ESRRG: variants seen among roughly 807,000 people sequenced by gnomAD.
The protein encoded by ESRRG is estrogen related receptor gamma.
A neutral mutation model predicts 44.0 loss-of-function variants in ESRRG; 13 were observed. The observed-to-expected ratio is 0.30, with a 90% CI of 0.19 to 0.47. The LOEUF (loss-of-function observed/expected upper bound fraction) is 0.47, where lower values mean the gene tolerates loss of function less well. Among genes scored for constraint, ESRRG ranks in the 20% least tolerant of loss-of-function variants. The probability of loss-of-function intolerance (pLI) is 1.00; values close to 1 mark genes in which losing one functional copy is unlikely to be tolerated. For missense variants in ESRRG, 395 were observed against 580.6 expected (o/e 0.68, Z 3.29); for synonymous variants, 215 against 214.6 (o/e 1.00, Z -0.02).
At chr1:216,667,435 C>T (rs1322619650) in intron 2 of ESRRG, among the ~76,000 whole-genome samples, 1 of 151,946 alleles carries the variant, frequency 6.6e-6, no homozygotes, top group Non-Finnish European at 1.5e-5. Context: ...CCTGTAATCC[C>T]AGCACATCGG....
At chr1:216,532,128 G>A (rs1282407413) in intron 5 of ESRRG, among the ~76,000 whole-genome samples, 3 of 147,792 alleles carry the variant, frequency 2.0e-5, no homozygotes, top group Non-Finnish European at 1.5e-5. Context: ...AGAAGAAATG[G>A]AGGAAAAAAA....
At chr1:216,943,739 C>G (rs2065637097) in intron 1 of ESRRG, among the ~76,000 whole-genome samples, 1 of 152,106 alleles carries the variant, frequency 6.6e-6, no homozygotes, top group Non-Finnish European at 1.5e-5. Flanking sequence ...GAAGATAACC[C>G]TAGCGTACAG....
intron 2 of ESRRG, among the ~76,000 whole-genome samples, chr1:216,860,128 G>T (rs1245829251): frequency 1.3e-5 from 2 of 152,222 alleles, no homozygotes; most frequent in African/African-American, 2.4e-5. Flanking sequence ...AGCTGGCAAT[G>T]GTGGCACATG....
intron 2 of ESRRG, among the ~76,000 whole-genome samples, chr1:216,768,444 C>CAT (rs1353795136): frequency 2.4e-4 from 35 of 145,954 alleles, no homozygotes; most frequent in African/African-American, 8.5e-4. Context: ...ATAGATCTAT[C>CAT]TATCATTATC....
chr1:216,962,097 A>C (rs1259113963), intron 1 of ESRRG, among the ~76,000 whole-genome samples: 1 of 152,120 alleles, frequency 6.6e-6, no homozygotes, highest in Non-Finnish European at 1.5e-5. Flanking sequence ...TTTTAACTGC[A>C]AATAGAAAGT....
At chr1:217,010,266 CTT>C (rs1308939929) in intron 1 of ESRRG, among the ~76,000 whole-genome samples, 3 of 152,138 alleles carry the variant, frequency 2.0e-5, no homozygotes, top group Non-Finnish European at 4.4e-5. Flanking sequence ...TGCTGTGTCT[CTT>C]TGGCAAAAGA....
chr1:217,061,832 G>A lies in ESRRG; in HGVS notation c.-106+27675C>T, dbSNP rs531203621. 1.2e-4 allele frequency among the ~76,000 whole-genome samples: 18 copies of A among 152,122 alleles called. No homozygotes were observed. In the South Asian group the frequency reaches 3.5e-3, roughly 30 times the overall value. On this transcript the variant is annotated intron_variant, in intron 1 of 7. Coordinates refer to the ESRRG transcript ENST00000359162. ...AATCCTTAATGAACTAAGAAATTAT[G>A]CAATTAAACAATCCACTAATGATAA...
At chr1:216,992,829 A>G (rs1365145981) in intron 1 of ESRRG, among the ~76,000 whole-genome samples, 1 of 152,214 alleles carries the variant, frequency 6.6e-6, no homozygotes, top group African/African-American at 2.4e-5. Context: ...GTTACCATTA[A>G]TTAAGTGCTA....
At chr1:216,776,169 T>C (rs2093607138) in intron 2 of ESRRG, among the ~76,000 whole-genome samples, 1 of 152,042 alleles carries the variant, frequency 6.6e-6, no homozygotes, top group Non-Finnish European at 1.5e-5. Context: ...TGAGCCTACA[T>C]TTAGAATCCT....
chr1:216,777,547 A>T (rs2093661059), intron 2 of ESRRG, among the ~76,000 whole-genome samples: 1 of 152,154 alleles, frequency 6.6e-6, no homozygotes, highest in Non-Finnish European at 1.5e-5. Flanking sequence ...GGGGTTGTGT[A>T]AGAACCACAG....
chr1:216,977,209 A>C (rs1418042219), intron 1 of ESRRG, among the ~76,000 whole-genome samples: 1 of 152,080 alleles, frequency 6.6e-6, no homozygotes, highest in Non-Finnish European at 1.5e-5. Flanking sequence ...CTAGACTCGC[A>C]CATTTACTCT....
intron 5 of ESRRG, among the ~76,000 whole-genome samples, chr1:216,555,792 T>C (rs576652029): frequency 1.3e-5 from 2 of 152,146 alleles, no homozygotes; most frequent in African/African-American, 4.8e-5. Context: ...AAGTGAAAAT[T>C]TGATTTGCTA....
chr1:216,912,187 AGAGGAGAGG>A (rs1560083522), intron 2 of ESRRG, among the ~76,000 whole-genome samples: 28 of 9,422 alleles, frequency 3.0e-3, no homozygotes, highest in Non-Finnish European at 4.2e-3. Context: ...AAAGAAAAGG[AGAGGAGAGG>A]AGAGGAGAGG....
intron 2 of ESRRG, among the ~76,000 whole-genome samples, chr1:216,807,112 T>C (rs73096025): frequency 0.011 from 1,699 of 152,316 alleles, 28 homozygotes; most frequent in African/African-American, 0.039. Flanking sequence ...ATCAAGTCCA[T>C]GGCAGACTTA....
chr1:216,514,382 A>G (rs2043567980), intron 6 of ESRRG, among the ~76,000 whole-genome samples: 1 of 152,086 alleles, frequency 6.6e-6, no homozygotes. Flanking sequence ...TTCTGGGTAA[A>G]AATTAGGAAC....
chr1:217,012,007 T>C (rs1313478996), intron 1 of ESRRG, among the ~76,000 whole-genome samples: 2 of 152,192 alleles, frequency 1.3e-5, no homozygotes, highest in Admixed American at 6.5e-5. Context: ...CATTCAGGCT[T>C]TGAGGTATCT....
chr1:216,715,404 C>T (rs906687096), intron 1 of ESRRG, among the ~76,000 whole-genome samples: 2 of 152,074 alleles, frequency 1.3e-5, no homozygotes, highest in Non-Finnish European at 2.9e-5. Context: ...TGATATTCCT[C>T]CTCAAAATAT....
intron 2 of ESRRG, among the ~76,000 whole-genome samples, chr1:216,736,726 C>T (rs2089987310): frequency 6.6e-6 from 1 of 152,096 alleles, no homozygotes; most frequent in African/African-American, 2.4e-5. Context: ...AGCAGAATCT[C>T]CATCAAGTAG....
At chr1:217,076,551 A>G (rs1000287205) in intron 1 of ESRRG, among the ~76,000 whole-genome samples, 3 of 152,204 alleles carry the variant, frequency 2.0e-5, no homozygotes, top group African/African-American at 7.2e-5. Context: ...ATCTGGGTAG[A>G]TGAAAACTCT....
Sources: gnomAD v4.1 joint callset for allele counts (sites outside exome capture counted in the v4.1 genomes callset) on GRCh38, gnomAD v4.1.1 for gene constraint, MANE v1.5 for transcripts, NCBI Gene and HGNC (gene_info 2026-07-23, HGNC 2026-07-21) for gene names.